The following SAMD5 variants were observed in gnomAD, a reference collection of about 807,000 sequenced individuals.
The protein encoded by SAMD5 is sterile alpha motif domain containing 5.
A neutral mutation model predicts 11.3 loss-of-function variants in SAMD5; 13 were observed. The observed-to-expected ratio is 1.15, with a 90% confidence interval of 0.75 to 1.83. The LOEUF is 1.83. Ranked by LOEUF, SAMD5 falls within the 40% of genes most tolerant of loss-of-function variation. The pLI is 0.00. For missense variants in SAMD5, 255 were observed against 239.1 expected (o/e 1.07, Z -0.44); for synonymous variants, 129 against 111.3 (o/e 1.16, Z -1.00).
At chr6:147,672,972 C>T (rs1790814480) in intron 1 of SAMD5, among the ~76,000 whole-genome samples, 1 of 152,088 alleles carries the variant, frequency 6.6e-6, no homozygotes. Flanking sequence ...CTTGCATCTT[C>T]TAGGTAAGTG....
At chr6:147,713,348 A>G (rs542435717) in intron 1 of SAMD5, among the ~76,000 whole-genome samples, 1 of 152,312 alleles carries the variant, frequency 6.6e-6, no homozygotes, top group Admixed American at 6.5e-5. Context: ...CTTGATTTAT[A>G]TACCCTGGGT....
At chr6:147,899,189 A>AAAAAAAAAAAAAAAAAAAAAAG in the SAMD5 span, among the ~76,000 whole-genome samples, 20 of 123,454 alleles carry the variant, frequency 1.6e-4, 4 homozygotes, top group African/African-American at 4.1e-4. Context: ...AAAAAAAAAA[A>AAAAAAAAAAAAAAAAAAAAAAG]AAAAGATAAC....
At chr6:147,779,743 C>T in the SAMD5 span, among the ~76,000 whole-genome samples, 2 of 152,170 alleles carry the variant, frequency 1.3e-5, no homozygotes, top group East Asian at 3.9e-4. Context: ...TATATGTATA[C>T]TGAAGGGAAG....
chr6:147,924,493 G>A, the SAMD5 span, among the ~76,000 whole-genome samples: 10 of 151,956 alleles, frequency 6.6e-5, no homozygotes, highest in African/African-American at 2.4e-4. Context: ...CAGAACATAA[G>A]CCTGATCTGA....
chr6:147,573,818 T>C (rs1156566205), downstream of SAMD5, among the ~76,000 whole-genome samples: 2 of 152,124 alleles, frequency 1.3e-5, no homozygotes, highest in African/African-American at 2.4e-5. Flanking sequence ...TTTCAAGATA[T>C]GCTAGAATAA....
chr6:147,832,223 AGAGT>A, the SAMD5 span, among the ~76,000 whole-genome samples: 1 of 152,222 alleles, frequency 6.6e-6, no homozygotes, highest in Non-Finnish European at 1.5e-5. Flanking sequence ...CCCTGTCTTA[AGAGT>A]GTGTGTATTT....
At chr6:147,811,256 A>G in the SAMD5 span, among the ~76,000 whole-genome samples, 1 of 152,190 alleles carries the variant, frequency 6.6e-6, no homozygotes, top group Non-Finnish European at 1.5e-5. Flanking sequence ...GCAACACTTA[A>G]ACATCTGGTA....
chr6:147,834,289 C>T, the SAMD5 span, among the ~76,000 whole-genome samples: 7 of 151,994 alleles, frequency 4.6e-5, no homozygotes, highest in East Asian at 1.9e-4. Flanking sequence ...GTTTTGCTGA[C>T]GTAAGAGGAG....
At chr6:147,563,517 T>G (rs749012850) in intron 1 of SAMD5, among the ~76,000 whole-genome samples, 2 of 152,204 alleles carry the variant, frequency 1.3e-5, no homozygotes, top group African/African-American at 2.4e-5. Context: ...TCAGGCATCC[T>G]TCTTCCTTCC....
the SAMD5 span, among the ~76,000 whole-genome samples, chr6:147,776,266 A>G: frequency 6.6e-6 from 1 of 152,216 alleles, no homozygotes; most frequent in Non-Finnish European, 1.5e-5. Context: ...TAAGTTTTAC[A>G]AACATAACCC....
At chr6:147,812,441 G>A in the SAMD5 span, among the ~76,000 whole-genome samples, 1 of 152,134 alleles carries the variant, frequency 6.6e-6, no homozygotes, top group Admixed American at 6.6e-5. Flanking sequence ...GAAGGGCTCA[G>A]GCACTGTTTC....
chr6:147,825,253 C>T, the SAMD5 span, among the ~76,000 whole-genome samples: 1 of 152,178 alleles, frequency 6.6e-6, no homozygotes, highest in Non-Finnish European at 1.5e-5. Flanking sequence ...GCCGAGATTG[C>T]ACCACTGCAC....
chr6:147,717,749 G>A (rs1472054391), intron 1 of SAMD5, among the ~76,000 whole-genome samples: 2 of 152,130 alleles, frequency 1.3e-5, no homozygotes. Flanking sequence ...GGCTGAGGCA[G>A]GAAGAATTAC....
chr6:147,928,859 G>T, the SAMD5 span, among the ~76,000 whole-genome samples: 5 of 152,134 alleles, frequency 3.3e-5, no homozygotes, highest in South Asian at 1.0e-3. Context: ...CTGGTATGTT[G>T]TATCTTTGTT....
intron 1 of SAMD5, among the ~76,000 whole-genome samples, chr6:147,520,545 T>A (rs1290861430): frequency 6.6e-6 from 1 of 152,246 alleles, no homozygotes; most frequent in Non-Finnish European, 1.5e-5. Flanking sequence ...GTGAAACAGA[T>A]TGATAATTTA....
intron 1 of SAMD5, among the ~76,000 whole-genome samples, chr6:147,509,634 C>T (rs904522919): frequency 4.6e-5 from 7 of 152,272 alleles, no homozygotes; most frequent in Non-Finnish European, 7.4e-5. Flanking sequence ...ACCAAAACTC[C>T]GCATCCTCTC....
chr6:147,862,558 G>A, the SAMD5 span, among the ~76,000 whole-genome samples: 16 of 152,166 alleles, frequency 1.1e-4, 1 homozygote, highest in African/African-American at 3.1e-4. Context: ...CTTGCACCCC[G>A]GGAGCTGGGA....
intron 1 of SAMD5, among the ~76,000 whole-genome samples, chr6:147,728,969 C>T (rs1791668487): frequency 6.6e-6 from 1 of 152,142 alleles, no homozygotes; most frequent in African/African-American, 2.4e-5. Flanking sequence ...GTTGCAATAA[C>T]AATATGCTAC....
At chr6:147,870,474 GTGTGTGTGTA>G in the SAMD5 span, among the ~76,000 whole-genome samples, 97 of 137,496 alleles carry the variant, frequency 7.1e-4, no homozygotes, top group African/African-American at 2.3e-3. Flanking sequence ...GTGTGTGTGT[GTGTGTGTGTA>G]TATATATATG....
Sources: gnomAD v4.1 joint callset for allele counts (sites outside exome capture counted in the v4.1 genomes callset) on GRCh38, gnomAD v4.1.1 for gene constraint, MANE v1.5 for transcripts, NCBI Gene and HGNC (gene_info 2026-07-23, HGNC 2026-07-21) for gene names.